The following KANSL1 variants were observed in gnomAD, a reference collection of about 807,000 sequenced individuals.
The protein encoded by KANSL1 is KAT8 regulatory NSL complex subunit 1.
Under a neutral mutation model 103.6 loss-of-function variants are expected in KANSL1, and 22 were observed. The observed-to-expected ratio is 0.21, with a 90% confidence interval of 0.15 to 0.30. The LOEUF is 0.30. KANSL1 is among the 10% of genes least tolerant of loss of function. The probability of loss-of-function intolerance (pLI) is 1.00; values close to 1 mark genes in which losing one functional copy is unlikely to be tolerated. For missense variants in KANSL1, 1,337 were observed against 1,399.8 expected (o/e 0.96, Z 0.72); for synonymous variants, 600 against 527.6 (o/e 1.14, Z -1.88).
chr17:46,216,616 A>AAAAAAAAAAAAAT (rs778351416), intron 1 of KANSL1, among the ~76,000 whole-genome samples: 1 of 147,872 alleles, frequency 6.8e-6, no homozygotes. Context: ...AAAAAAAAAA[A>AAAAAAAAAAAAAT]GTTTCAAAGA....
At chr17:46,038,463 A>T in intron 10 of KANSL1, 75 bp downstream of exon 10, 1 of 1,530,766 alleles carries the variant, frequency 6.5e-7, no homozygotes, top group Non-Finnish European at 8.9e-7. Flanking sequence ...CCACCCTCAC[A>T]CTGTCCTCTG....
chr17:46,038,216 G>T, intron 10 of KANSL1: 3 of 306,702 alleles, frequency 9.8e-6, no homozygotes, highest in African/African-American at 2.1e-5. Flanking sequence ...CGGAACTGTT[G>T]AGTCCTGTGT....
chr17:46,071,708 C>G (rs2078583755), intron 4 of KANSL1, among the ~76,000 whole-genome samples: 1 of 152,124 alleles, frequency 6.6e-6, no homozygotes, highest in Non-Finnish European at 1.5e-5. Flanking sequence ...ATCTGCTATC[C>G]AATAGGCAAC....
chr17:46,031,951 G>T, intron 14 of KANSL1, 96 bp downstream of exon 14: 1 of 1,552,504 alleles, frequency 6.4e-7, no homozygotes, highest in Non-Finnish European at 8.8e-7. Flanking sequence ...CTTCAAAAGG[G>T]GGAGGGGATG....
At chr17:46,084,545 G>A (rs1406869108) in intron 3 of KANSL1, among the ~76,000 whole-genome samples, 2 of 151,858 alleles carry the variant, frequency 1.3e-5, no homozygotes, top group Non-Finnish European at 2.9e-5. Flanking sequence ...AGCTGGGCGT[G>A]GTGGTGAGCC....
At chr17:46,058,571 A>G (rs1394280768) in intron 6 of KANSL1, among the ~76,000 whole-genome samples, 1 of 152,242 alleles carries the variant, frequency 6.6e-6, no homozygotes. Flanking sequence ...ATACTACTAT[A>G]GGGATAAAAT....
chr17:46,170,210 T>A (rs1467254758), intron 2 of KANSL1: 2 of 148,292 alleles, frequency 1.3e-5, no homozygotes, highest in Admixed American at 6.7e-5. Context: ...TCCAAATACA[T>A]CAATACATTT....
chr17:46,190,665 T>C (rs2047271472), intron 1 of KANSL1, among the ~76,000 whole-genome samples: 1 of 152,230 alleles, frequency 6.6e-6, no homozygotes, highest in Non-Finnish European at 1.5e-5. Flanking sequence ...TTAAGAACCT[T>C]TGTAACATTT....
At chr17:46,075,346 T>A (rs1481823160) in intron 4 of KANSL1, among the ~76,000 whole-genome samples, 1 of 149,860 alleles carries the variant, frequency 6.7e-6, no homozygotes, top group South Asian at 2.1e-4. Context: ...ACACACACTC[T>A]CTCTTTCTTT....
chr17:46,122,350 C>G (rs2043318596), intron 2 of KANSL1, among the ~76,000 whole-genome samples: 1 of 152,208 alleles, frequency 6.6e-6, no homozygotes, highest in African/African-American at 2.4e-5. Flanking sequence ...CACTTAGGAA[C>G]AGATCTATGG....
upstream of KANSL1, chr17:46,225,251 C>T (rs1274195393): frequency 6.6e-6 from 1 of 152,626 alleles, no homozygotes; most frequent in Admixed American, 6.5e-5. Flanking sequence ...TCAGGGACAC[C>T]TCCTCTACCT....
At chr17:46,079,359 A>G (rs1481881919) in intron 4 of KANSL1, among the ~76,000 whole-genome samples, 1 of 152,210 alleles carries the variant, frequency 6.6e-6, no homozygotes, top group Non-Finnish European at 1.5e-5. Flanking sequence ...CCACTGGGAC[A>G]TTACCTAACA....
At chr17:46,109,138 G>C (rs776630244) in intron 2 of KANSL1, among the ~76,000 whole-genome samples, 1 of 152,038 alleles carries the variant, frequency 6.6e-6, no homozygotes, top group Non-Finnish European at 1.5e-5. Context: ...CATAGAAATG[G>C]AGCCTCACGA....
intron 1 of KANSL1, among the ~76,000 whole-genome samples, chr17:46,211,735 A>G (rs2732629): frequency 0.14 from 21,953 of 152,298 alleles, 2,134 homozygotes; most frequent in Middle Eastern, 0.22. Context: ...ACGTATCAAT[A>G]TGGTAAATAC....
At chr17:46,188,412 A>G (rs1234871887) in intron 1 of KANSL1, among the ~76,000 whole-genome samples, 1 of 152,274 alleles carries the variant, frequency 6.6e-6, no homozygotes, top group African/African-American at 2.4e-5. Flanking sequence ...TTATCAGCAT[A>G]GAAACTGTAA....
At chr17:46,094,339 C>A in intron 3 of KANSL1, 1 of 560,088 alleles carries the variant, frequency 1.8e-6, no homozygotes, top group South Asian at 2.3e-5. Flanking sequence ...TCAAATGATC[C>A]TCCTGCCTTG....
At chr17:46,189,180 C>G (rs897476943) in intron 1 of KANSL1, among the ~76,000 whole-genome samples, 11 of 151,770 alleles carry the variant, frequency 7.2e-5, no homozygotes, top group Non-Finnish European at 1.3e-4. Context: ...ATGATTACAT[C>G]TGTGCACGCC....
chr17:46,179,047 CA>C (rs1462237477), intron 1 of KANSL1, among the ~76,000 whole-genome samples: 49 of 152,308 alleles, frequency 3.2e-4, no homozygotes, highest in African/African-American at 9.1e-4. Context: ...TAATCTATCA[CA>C]GGGGGCTATC....
chr17:46,108,243 C>A (rs2042655693), intron 2 of KANSL1, among the ~76,000 whole-genome samples: 1 of 152,214 alleles, frequency 6.6e-6, no homozygotes, highest in African/African-American at 2.4e-5. Context: ...CCTCTCTGGC[C>A]TCATCTCCTG....
Sources: allele counts gnomAD v4.1 joint callset (sites outside exome capture counted in the v4.1 genomes callset), GRCh38; gene constraint gnomAD v4.1.1; transcripts MANE v1.5; gene names NCBI Gene and HGNC (gene_info 2026-07-23, HGNC 2026-07-21).